Variants in PDE1C observed in about 807,000 individuals in gnomAD.
PDE1C encodes phosphodiesterase 1C.
PDE1C carries 62 observed loss-of-function variants against 93.1 expected under a neutral mutation model. That is an observed-to-expected ratio of 0.67 (90% CI 0.54 to 0.82). The LOEUF (loss-of-function observed/expected upper bound fraction) is 0.82, where lower values mean the gene tolerates loss of function less well. PDE1C is among the 40% of genes least tolerant of loss of function. The pLI is 0.00. For missense variants in PDE1C, 742 were observed against 884.6 expected (o/e 0.84, Z 2.04); for synonymous variants, 325 against 310.1 (o/e 1.05, Z -0.50).
chr7:32,248,227 T>C (rs761844844), intron 1 of PDE1C, among the ~76,000 whole-genome samples: 8 of 152,002 alleles, frequency 5.3e-5, no homozygotes, highest in Admixed American at 2.0e-4. Flanking sequence ...CAGAGTTTGA[T>C]AGAAACAATG....
At chr7:32,314,749 C>A (rs565138515) in intron 1 of PDE1C, among the ~76,000 whole-genome samples, 1 of 151,986 alleles carries the variant, frequency 6.6e-6, no homozygotes, top group Non-Finnish European at 1.5e-5. Context: ...GCACCAAGAA[C>A]GCTGAAACCA....
chr7:31,912,215 TTCAAA>T (rs1373438141), intron 2 of PDE1C, among the ~76,000 whole-genome samples: 3 of 152,164 alleles, frequency 2.0e-5, no homozygotes, highest in Non-Finnish European at 2.9e-5. Context: ...AGAATTCTAC[TTCAAA>T]TCAAGTTAAC....
the PDE1C span, among the ~76,000 whole-genome samples, chr7:31,718,562 T>C: frequency 6.6e-6 from 1 of 152,210 alleles, no homozygotes; most frequent in Non-Finnish European, 1.5e-5. Context: ...GGTCAGAGTC[T>C]CCAGGCTGCT....
intron 1 of PDE1C, among the ~76,000 whole-genome samples, chr7:32,296,126 AC>A: frequency 6.6e-6 from 1 of 152,376 alleles, no homozygotes; most frequent in East Asian, 1.9e-4. Context: ...AGAAGTACAT[AC>A]AAGAAATATT....
chr7:32,125,608 T>C (rs2128767365), intron 3 of PDE1C, among the ~76,000 whole-genome samples: 1 of 151,944 alleles, frequency 6.6e-6, no homozygotes, highest in African/African-American at 2.4e-5. Flanking sequence ...CTCAGCAAAC[T>C]AACACAGGAA....
chr7:31,953,904 CATA>C (rs1390904097), intron 2 of PDE1C, among the ~76,000 whole-genome samples: 4 of 152,052 alleles, frequency 2.6e-5, no homozygotes, highest in African/African-American at 9.7e-5. Flanking sequence ...TTCCTTGATC[CATA>C]ATATTTTGAT....
intron 1 of PDE1C, among the ~76,000 whole-genome samples, chr7:32,323,495 C>T (rs1184344411): frequency 6.6e-6 from 1 of 152,230 alleles, no homozygotes; most frequent in Admixed American, 6.5e-5. Flanking sequence ...AATACCCACC[C>T]CTGAGGGAGA....
At chr7:31,707,253 C>CGA in the PDE1C span, 1 of 1,613,886 alleles carries the variant, frequency 6.2e-7, no homozygotes, top group Admixed American at 1.7e-5. Flanking sequence ...TGGAAGATGA[C>CGA]GAAAAGGATG....
At chr7:32,410,287 T>C (rs1274504369) in intron 1 of PDE1C, among the ~76,000 whole-genome samples, 1 of 151,524 alleles carries the variant, frequency 6.6e-6, no homozygotes, top group Non-Finnish European at 1.5e-5. Flanking sequence ...GCTATGATCA[T>C]GCTACTGCAC....
At chr7:32,154,338 C>A (rs767305407) in intron 3 of PDE1C, among the ~76,000 whole-genome samples, 23 of 152,018 alleles carry the variant, frequency 1.5e-4, no homozygotes, top group Non-Finnish European at 2.4e-4. Context: ...ACACTAAATG[C>A]CTTTTTTAAC....
intron 1 of PDE1C, among the ~76,000 whole-genome samples, chr7:32,225,443 AC>A (rs2128857723): frequency 6.6e-6 from 1 of 152,192 alleles, no homozygotes; most frequent in Non-Finnish European, 1.5e-5. Flanking sequence ...TTTCTGTTTC[AC>A]AAGGCTTTCT....
chr7:31,713,616 G>T, the PDE1C span, among the ~76,000 whole-genome samples: 1 of 152,352 alleles, frequency 6.6e-6, no homozygotes, highest in East Asian at 1.9e-4. Flanking sequence ...CCTAGCAGGG[G>T]TTCTCCATGA....
chr7:31,633,971 A>C, the PDE1C span, among the ~76,000 whole-genome samples: 1 of 152,180 alleles, frequency 6.6e-6, no homozygotes, highest in Admixed American at 6.5e-5. Context: ...TCCACCTAGA[A>C]TTCAGAAGCT....
chr7:31,641,851 C>A, the PDE1C span, among the ~76,000 whole-genome samples: 1 of 152,146 alleles, frequency 6.6e-6, no homozygotes. Context: ...GCATTTAAGG[C>A]ATATGTGTTT....
intron 3 of PDE1C, among the ~76,000 whole-genome samples, chr7:32,114,329 C>A (rs781614051): frequency 1.3e-5 from 2 of 152,152 alleles, no homozygotes; most frequent in East Asian, 1.9e-4. Flanking sequence ...ACATCTACAA[C>A]CATCTGATCT....
At chr7:32,040,985 C>T (rs1045878576) in intron 2 of PDE1C, among the ~76,000 whole-genome samples, 4 of 152,102 alleles carry the variant, frequency 2.6e-5, no homozygotes, top group African/African-American at 9.7e-5. Context: ...TGTCTGCTTC[C>T]TACCTGTTCC....
At chr7:32,421,086 A>AACACACACAC (rs3079693) in intron 1 of PDE1C, among the ~76,000 whole-genome samples, 2 of 150,512 alleles carry the variant, frequency 1.3e-5, no homozygotes, top group Non-Finnish European at 3.0e-5. Context: ...GATTAAAACT[A>AACACACACAC]ACACACACAC....
chr7:32,237,149 C>T lies in PDE1C; in HGVS notation c.86-27610G>A, dbSNP rs546652797. Reference sequence around the variant, plus strand: ...TCGCCCAGGCTGGAGTGCAGTGGCGCGATCTCGGCTCACTGCAAGTTCTAC... The same window carrying T: ...TCGCCCAGGCTGGAGTGCAGTGGCGTGATCTCGGCTCACTGCAAGTTCTAC... On this transcript the variant is annotated intron_variant, in intron 1 of 18. Coordinates refer to the PDE1C transcript ENST00000396193. 2.9e-3 allele frequency among the ~76,000 whole-genome samples: 421 copies of T among 146,828 alleles called. 10 individuals carry two copies. Among genetic ancestry groups the T allele is most frequent in the Non-Finnish European group, 9.8e-4 (66 of 67,280 alleles).
chr7:32,327,890 T>C (rs1365919383), intron 1 of PDE1C, among the ~76,000 whole-genome samples: 1 of 152,230 alleles, frequency 6.6e-6, no homozygotes, highest in East Asian at 1.9e-4. Flanking sequence ...CATAGTTCCG[T>C]TTTTCTCTGC....
Sources: gnomAD v4.1 joint callset for allele counts (sites outside exome capture counted in the v4.1 genomes callset) on GRCh38, gnomAD v4.1.1 for gene constraint, MANE v1.5 for transcripts, NCBI Gene and HGNC (gene_info 2026-07-23, HGNC 2026-07-21) for gene names.